Variants in SLC46A3 observed in about 807,000 individuals in gnomAD.
SLC46A3 encodes the protein lysosomal proton-coupled steroid conjugate and bile acid symporter SLC46A3.
In SLC46A3, 26 loss-of-function variants were observed where a neutral mutation model predicts 38.5. The observed-to-expected ratio is 0.68, with a 90% CI of 0.49 to 0.94. The LOEUF is 0.94. SLC46A3 is among the 40% of genes least tolerant of loss of function. SLC46A3 has a pLI of 0.00. For synonymous variants in SLC46A3, 185 were observed against 192.5 expected, an observed-to-expected ratio of 0.96 and a Z score of 0.32; for missense variants, 510 against 544.3, an observed-to-expected ratio of 0.94 and a Z score of 0.63.
chr13:28,700,861 A>G lies in SLC46A3; in HGVS notation c.*636T>C. 1 of 1,056,702 alleles carries G rather than the reference A, an allele frequency of 9.5e-7. No homozygotes were observed. 65.5% of individuals were successfully genotyped at this position (1,056,702 alleles called of 1,614,324 possible). A position where few individuals can be genotyped will look rare whatever the true frequency, so the allele number is the denominator to read the frequency against. ...TCTTTAAAGTGCCTCCCTTTTAAGG[A>G]TTTTGTATCAACAAAGCACTGATTG... On this transcript the variant is annotated 3_prime_UTR_variant, in exon 6 of 6. Coordinates refer to ENST00000266943, the MANE Select transcript of SLC46A3 (RefSeq NM_181785.4).
chr13:28,710,399 TG>T (rs1885309349), intron 4 of SLC46A3, among the ~76,000 whole-genome samples: 1 of 152,176 alleles, frequency 6.6e-6, no homozygotes, highest in Non-Finnish European at 1.5e-5. Flanking sequence ...AGGCCCTTAC[TG>T]GACATAAGCC....
At position 28,701,394 on chromosome 13, in the gene SLC46A3, G is replaced by A; in HGVS notation, c.*103C>T. 1.3e-6 allele frequency: 2 copies of A among 1,501,856 alleles called. No homozygotes were observed. Among genetic ancestry groups the A allele is most frequent in the Non-Finnish European group, 1.8e-6 (2 of 1,128,470 alleles). The allele number at this position is 1,501,856 out of a possible 1,614,324, so 93.0% of individuals were successfully genotyped here. The stretch of plus-strand genomic sequence containing the variant: ...TTTAGAAGAAAAGATAGGTAAAATT[G>A]GTTCTCAGTGAAGCACTGATTGTGG... On this transcript the variant is annotated 3_prime_UTR_variant, in exon 6 of 6. Transcript: ENST00000266943.
In SLC46A3 at chr13:28,713,328, C is replaced by T. The variant is rs1359913882; in HGVS notation, c.412G>A (p.Gly138Ser). 2.5e-6 allele frequency: 4 copies of T among 1,613,898 alleles called. No individual in the cohort carries two copies. Among genetic ancestry groups the T allele is most frequent in the Non-Finnish European group, 8.5e-7 (1 of 1,180,006 alleles). ...GTGGTATAATTGCCACAAAATGCAC[C>T]AATGAAGGTAGATGCAATCAAAAGC... is the stretch of plus-strand genomic sequence containing the variant. ...FQLLIASTFI[G>S]AFCGNYTTFW... is the part of the protein sequence containing the mutation. The change falls in exon 3 of 6, where the codon GGT (glycine) becomes AGT (serine). Residue 138 changes from glycine (G) to serine (S), a missense_variant. Coordinates refer to ENST00000266943, the MANE Select transcript of SLC46A3 (RefSeq NM_181785.4).
intron 5 of SLC46A3, among the ~76,000 whole-genome samples, chr13:28,702,694 T>A (rs970025077): frequency 1.2e-4 from 19 of 152,194 alleles, no homozygotes; most frequent in Admixed American, 1.0e-3. Flanking sequence ...GAACTGCAAA[T>A]ACTGTTGTTC....
intron 4 of SLC46A3, among the ~76,000 whole-genome samples, chr13:28,706,750 G>C (rs1012830669): frequency 6.6e-6 from 1 of 152,058 alleles, no homozygotes; most frequent in Non-Finnish European, 1.5e-5. Flanking sequence ...GATATGAACA[G>C]ACACTTCTCA....
intron 5 of SLC46A3, chr13:28,703,730 C>T (rs1382587889): frequency 8.5e-6 from 3 of 353,432 alleles, no homozygotes; most frequent in Non-Finnish European, 1.5e-5. Context: ...ATGAATTTTC[C>T]TGTCATCCTT....
At chr13:28,716,458 T>A (rs1161223751) in intron 2 of SLC46A3, among the ~76,000 whole-genome samples, 1 of 152,090 alleles carries the variant, frequency 6.6e-6, no homozygotes, top group Non-Finnish European at 1.5e-5. Flanking sequence ...CACCACAGGA[T>A]AATGTGTGAT....
In SLC46A3 at chr13:28,715,285, C is replaced by T. The variant is rs568195404; in HGVS notation, c.190-1735G>A. ...AAATGAAAAAGTCAATTTGAAAATT[C>T]GGCAAAAATCTTTGACATGAGACCA... On this transcript the variant is annotated intron_variant, in intron 2 of 5. Coordinates refer to ENST00000266943, the MANE Select transcript of SLC46A3 (RefSeq NM_181785.4). 1.1e-4 allele frequency among the ~76,000 whole-genome samples: 16 copies of T among 152,290 alleles called. No individual in the cohort carries two copies. In the South Asian group the frequency reaches 2.3e-3, roughly 22 times the overall value.
Position 28,713,106 on chromosome 13 carries a change from T to G in SLC46A3, c.634A>C (p.Ile212Leu). The G allele has an allele frequency of 6.2e-7, 1 of 1,612,128 alleles. No homozygotes were observed. Among genetic ancestry groups the G allele is most frequent in the Non-Finnish European group, 8.5e-7 (1 of 1,179,556 alleles). Reference protein sequence around the residue: ...IIAVSLAVNLIYILFFLGDPV... With the variant: ...IIAVSLAVNLLYILFFLGDPV... ...TCTCCGAGAAAAAATAAAATATAGA[T>G]CAAATTAACAGCAAGAGACACAGCA... Residue 212 changes from isoleucine (I) to leucine (L), a missense_variant, in exon 3 of 6, where the codon ATC (isoleucine) becomes CTC (leucine). Coordinates refer to ENST00000266943, the MANE Select transcript of SLC46A3 (RefSeq NM_181785.4).
At chr13:28,715,804 C>T (rs1885511875) in intron 2 of SLC46A3, among the ~76,000 whole-genome samples, 1 of 152,130 alleles carries the variant, frequency 6.6e-6, no homozygotes, top group Non-Finnish European at 1.5e-5. Flanking sequence ...CAAAACACCA[C>T]TGTATACTCC....
chr13:28,714,592 T>C (rs1885473796), intron 2 of SLC46A3, among the ~76,000 whole-genome samples: 1 of 152,112 alleles, frequency 6.6e-6, no homozygotes, highest in African/African-American at 2.4e-5. Context: ...CTACTAAAAA[T>C]ACAAAAATTA....
chr13:28,713,201 G>A lies in SLC46A3; in HGVS notation c.539C>T (p.Thr180Ile), dbSNP rs1885418167. ...GCCAGATGACAGTCCTGTTAGTCCA[G>A]TAACAAGTCCAAGTAGAAAGTCAAT... ...AIIDFLLGLVTGLTGLSSGYF... is the reference protein window; with the variant it reads ...AIIDFLLGLVIGLTGLSSGYF... The change falls in exon 3 of 6, where the codon ACT becomes ATT. Residue 180 changes from threonine to isoleucine, a missense_variant. Physicochemically the swap from Thr to Ile is moderately conservative, Grantham distance 89. Transcript: ENST00000266943. The A allele has an allele frequency of 6.2e-7, 1 of 1,614,004 alleles. No homozygotes were observed. The highest frequency in any genetic ancestry group is 8.5e-7 in the Non-Finnish European group (1 of 1,180,024).
intron 4 of SLC46A3, among the ~76,000 whole-genome samples, chr13:28,706,078 T>G (rs1208367115): frequency 1.3e-5 from 2 of 149,496 alleles, no homozygotes; most frequent in Admixed American, 6.7e-5. Flanking sequence ...CTAAATTCTG[T>G]TTTTTTTTAA....
At chr13:28,707,300 G>A (rs1885199824) in intron 4 of SLC46A3, among the ~76,000 whole-genome samples, 1 of 150,484 alleles carries the variant, frequency 6.6e-6, no homozygotes, top group African/African-American at 2.4e-5. Flanking sequence ...CATCGCAAGA[G>A]CAAAAAACCA....
chr13:28,700,974 A>G lies in SLC46A3; in HGVS notation c.*523T>C, dbSNP rs1444164470. ...AACAGGCTCTATAAAATAAAGCATT[A>G]CCAAGTATAGGTAAAATCATACATA... On this transcript the variant is annotated 3_prime_UTR_variant, in exon 6 of 6. Transcript: ENST00000266943. 1.3e-6 allele frequency: 2 copies of G among 1,534,328 alleles called. No individual in the cohort carries two copies. Among genetic ancestry groups the G allele is most frequent in the East Asian group, 2.5e-5 (1 of 40,702 alleles).
intron 2 of SLC46A3, among the ~76,000 whole-genome samples, chr13:28,717,444 C>T (rs2137844444): frequency 1.3e-5 from 2 of 150,030 alleles, no homozygotes; most frequent in Middle Eastern, 7.1e-3. Flanking sequence ...CCCCTGTCCA[C>T]CAAGTAGCTC....
In SLC46A3 at chr13:28,712,823, G is replaced by A; in HGVS notation, c.917C>T (p.Ala306Val). 1 of 1,613,628 alleles carries A rather than the reference G, an allele frequency of 6.2e-7. No homozygotes were observed. Among genetic ancestry groups the A allele is most frequent in the Non-Finnish European group, 8.5e-7 (1 of 1,179,874 alleles). Residue 306 changes from alanine to valine, a missense_variant, in exon 3 of 6, where the codon GCC becomes GTC. By Grantham distance (64) the Ala-to-Val change is moderately conservative. Coordinates refer to ENST00000266943, the MANE Select transcript of SLC46A3 (RefSeq NM_181785.4). ...TCCTAGGAAACTAGTCAAAAAAGAG[G>A]CACTACCCAAAGCTGATCCATAACC... Reference protein sequence around the residue: ...FIGYGSALGSASFLTSFLGIW... With the variant: ...FIGYGSALGSVSFLTSFLGIW...
At chr13:28,710,082 G>C (rs1293068577) in intron 4 of SLC46A3, among the ~76,000 whole-genome samples, 1 of 152,110 alleles carries the variant, frequency 6.6e-6, no homozygotes, top group Non-Finnish European at 1.5e-5. Flanking sequence ...GAATGATCTA[G>C]GAGACCCGCA....
chr13:28,708,617 T>TTC (rs1555259745), intron 4 of SLC46A3, among the ~76,000 whole-genome samples: 5 of 147,518 alleles, frequency 3.4e-5, no homozygotes, highest in African/African-American at 1.2e-4. Flanking sequence ...TTCTTTTCTT[T>TTC]TTTTTTTTTT....
Sources: gnomAD v4.1 joint callset for allele counts (sites outside exome capture counted in the v4.1 genomes callset) on GRCh38, gnomAD v4.1.1 for gene constraint, MANE v1.5 for transcripts, NCBI Gene and HGNC (gene_info 2026-07-23, HGNC 2026-07-21) for gene names.